GANC: variants seen among roughly 807,000 people sequenced by gnomAD.
The protein encoded by GANC is glucosidase alpha, neutral C.
GANC carries 117 observed loss-of-function variants against 124.2 expected under a neutral mutation model. The ratio of observed to expected loss-of-function variants is 0.94; its 90% confidence interval spans 0.81 to 1.10. GANC has a LOEUF of 1.10. Among genes scored for constraint, GANC ranks in the 50% least tolerant of loss-of-function variants. The pLI, the probability that GANC is intolerant of heterozygous loss-of-function variation, is 0.00. For missense variants in GANC, 1,140 were observed against 1,095.0 expected, an observed-to-expected ratio of 1.04 and a Z score of -0.58; for synonymous variants, 377 against 376.8, an observed-to-expected ratio of 1.00 and a Z score of -0.01.
intron 11 of GANC, among the ~76,000 whole-genome samples, chr15:42,325,727 T>C (rs535012236): frequency 2.2e-4 from 34 of 152,350 alleles, no homozygotes; most frequent in African/African-American, 7.7e-4. Context: ...GCAATAATTA[T>C]AAAAGAGCAT....
rs57529481 is a variant in GANC, at chr15:42,337,871, G to A, written c.1742-518G>A. Among the ~76,000 whole-genome samples, 455 of 152,264 alleles carry A rather than the reference G, an allele frequency of 3.0e-3. 5 individuals carry two copies. Among genetic ancestry groups the A allele is most frequent in the African/African-American group, 0.011 (446 of 41,550 alleles). ...GAGGCTAGGAGTTCAAGACCAGCCT[G>A]GCCAACATGGTGAAACCCCTCTCTG... On this transcript the variant is annotated intron_variant, in intron 15 of 23. Transcript: ENST00000318010.
intron 5 of GANC, among the ~76,000 whole-genome samples, chr15:42,293,989 T>A (rs1449209115): frequency 6.6e-6 from 1 of 151,506 alleles, no homozygotes; most frequent in African/African-American, 2.4e-5. Flanking sequence ...AGGTCAAGAC[T>A]GCAGTGAGCT....
intron 22 of GANC, among the ~76,000 whole-genome samples, chr15:42,350,258 G>A (rs1182608977): frequency 6.6e-6 from 1 of 151,564 alleles, no homozygotes; most frequent in Non-Finnish European, 1.5e-5. Flanking sequence ...TCGAACTCCC[G>A]ACCTCAGGTG....
intron 12 of GANC, among the ~76,000 whole-genome samples, 157 bp downstream of exon 12, chr15:42,326,581 G>A (rs1413472905): frequency 1.3e-5 from 2 of 152,090 alleles, no homozygotes; most frequent in East Asian, 3.9e-4. Context: ...GCCTTCTTTT[G>A]TATCTTTTAT....
intron 3 of GANC, chr15:42,283,902 A>T (rs2051760293): frequency 1.4e-6 from 1 of 702,534 alleles, no homozygotes; most frequent in African/African-American, 1.7e-5. Context: ...GCCAGTGCCC[A>T]GCGTGAGGTT....
At chr15:42,323,718 G>A (rs996476336) in intron 11 of GANC, among the ~76,000 whole-genome samples, 6 of 152,106 alleles carry the variant, frequency 3.9e-5, no homozygotes, top group Admixed American at 2.0e-4. Context: ...AGCCAGGCTG[G>A]TCTTGAACTC....
At chr15:42,319,448 A>G (rs2412699) in intron 10 of GANC, among the ~76,000 whole-genome samples, 138,211 of 151,946 alleles carry the variant, frequency 0.91, 64,221 homozygotes, top group Non-Finnish European at 1. Flanking sequence ...GGGCTCAAGC[A>G]ATTCTTCCGC....
At chr15:42,306,943 AC>A (rs1488783928) in intron 7 of GANC, among the ~76,000 whole-genome samples, 3 of 152,056 alleles carry the variant, frequency 2.0e-5, no homozygotes, top group African/African-American at 7.2e-5. Context: ...GTGATGAGAA[AC>A]CCAAGTTCTA....
Position 42,275,680 on chromosome 15 carries a change from T to C in GANC, c.30-668T>C, listed in dbSNP as rs186975674. On this transcript the variant is annotated intron_variant, in intron 1 of 23. Transcript: ENST00000318010. ...CAATATACATATATCTCATTCATGT[T>C]TTATCCCAGAAACAGCTCTTCTGGA... is the stretch of plus-strand genomic sequence containing the variant. Among the ~76,000 whole-genome samples the C allele has an allele frequency of 7.1e-4, 108 of 152,304 alleles. 3 individuals carry two copies. In the East Asian group the frequency reaches 0.02, roughly 28 times the overall value.
intron 10 of GANC, among the ~76,000 whole-genome samples, chr15:42,316,202 C>G (rs552897494): frequency 1.2e-4 from 18 of 152,222 alleles, no homozygotes; most frequent in Admixed American, 5.2e-4. Flanking sequence ...GGGTCCAGCC[C>G]TATGGGGCTT....
intron 18 of GANC, among the ~76,000 whole-genome samples, chr15:42,342,550 C>G (rs1465429688): frequency 6.6e-6 from 1 of 151,954 alleles, no homozygotes; most frequent in African/African-American, 2.4e-5. Flanking sequence ...CTGCTGCACT[C>G]CCACTTGGGG....
intron 3 of GANC, 56 bp downstream of exon 3, chr15:42,278,646 G>T (rs889278054): frequency 7.9e-7 from 1 of 1,265,092 alleles, no homozygotes; most frequent in African/African-American, 1.5e-5. Context: ...TATTGGGCCT[G>T]AATGAAGTAA....
Position 42,310,832 on chromosome 15 carries a change from A to G in GANC, c.1043A>G (p.Tyr348Cys), listed in dbSNP as rs776670979. Reference sequence around the variant, plus strand: ...ACACCTTCTGATGTCTTCAAACAGTACTCACACCTTACAGGTATTTGCACG... The same window carrying G: ...ACACCTTCTGATGTCTTCAAACAGTGCTCACACCTTACAGGTATTTGCACG... ...GPTPSDVFKQ[Y>C]SHLTGTQAMP... Residue 348 changes from tyrosine to cysteine, a missense_variant, in exon 10 of 24, where the codon TAC becomes TGC. Transcript: ENST00000318010. 1.9e-6 allele frequency: 3 copies of G among 1,612,964 alleles called. No individual in the cohort carries two copies. The highest frequency in any genetic ancestry group is 2.5e-6 in the Non-Finnish European group (3 of 1,178,988).
rs992985075 is a variant in GANC, at chr15:42,353,148, C to T, written c.*1009C>T. ...GGGCAGAACATTACAACATACCAGT[C>T]GTGTCATGGTGCCCAAGGCTCCACA... On this transcript the variant is annotated 3_prime_UTR_variant, in exon 24 of 24. Coordinates refer to ENST00000318010, the MANE Select transcript of GANC (RefSeq NM_198141.3). 14 of 985,680 alleles carry T rather than the reference C, an allele frequency of 1.4e-5. No individual in the cohort carries two copies. Among genetic ancestry groups the T allele is most frequent in the African/African-American group, 8.7e-5 (5 of 57,198 alleles). The allele number at this position is 985,680 out of a possible 1,614,324, so 61.1% of individuals were successfully genotyped here.
chr15:42,313,226 A>G (rs191080638), intron 10 of GANC, among the ~76,000 whole-genome samples: 2 of 110,662 alleles, frequency 1.8e-5, no homozygotes, highest in African/African-American at 6.0e-5. Context: ...AATATGTTAT[A>G]TGTGTATCAT....
chr15:42,313,285 ACT>A (rs56882163), intron 10 of GANC, among the ~76,000 whole-genome samples: 138,351 of 152,098 alleles, frequency 0.91, 64,280 homozygotes, highest in Non-Finnish European at 1. Flanking sequence ...AAACCATAAG[ACT>A]CTCAGAAGAA....
intron 3 of GANC, among the ~76,000 whole-genome samples, chr15:42,282,731 C>G (rs2051746018): frequency 6.6e-6 from 1 of 152,198 alleles, no homozygotes; most frequent in Admixed American, 6.5e-5. Context: ...CAGAACCAAG[C>G]TTCATTCAAC....
rs372391760 is a variant in GANC at position 42,297,565 on chromosome 15, G to A, written c.513-46G>A. ...AATCTTTATCATTGAACAAAATTCT[G>A]TCAGTCTTGCCATTGAGTGAAACAA... On this transcript the variant is annotated intron_variant, in intron 5 of 23. Coordinates refer to ENST00000318010, the MANE Select transcript of GANC (RefSeq NM_198141.3). 4.4e-4 allele frequency: 651 copies of A among 1,479,408 alleles called. 1 individual carries two copies. The highest frequency in any genetic ancestry group is 6.9e-4 in the Middle Eastern group (4 of 5,770). 91.6% of individuals were successfully genotyped at this position (1,479,408 alleles called of 1,614,324 possible). A position where few individuals can be genotyped will look rare whatever the true frequency, so the allele number is the denominator to read the frequency against.
Position 42,352,692 on chromosome 15 carries a change from C to G in GANC, c.*553C>G, listed in dbSNP as rs965247844. 17 of 985,888 alleles carry G rather than the reference C, an allele frequency of 1.7e-5. No individual in the cohort carries two copies. The Admixed American group carries it at 1.0e-3, about 61-fold the overall frequency. 61.1% of individuals were successfully genotyped at this position (985,888 alleles called of 1,614,324 possible). A position where few individuals can be genotyped will look rare whatever the true frequency, so the allele number is the denominator to read the frequency against. On this transcript the variant is annotated 3_prime_UTR_variant, in exon 24 of 24. Coordinates refer to ENST00000318010, the MANE Select transcript of GANC (RefSeq NM_198141.3). Reference sequence around the variant, plus strand: ...TATTCTCCCCTAGAGATCGACTTGGCAGCACGAAGGATTCTTTTCTCTTTC... The same window carrying G: ...TATTCTCCCCTAGAGATCGACTTGGGAGCACGAAGGATTCTTTTCTCTTTC...
Sources: gnomAD v4.1 joint callset for allele counts (sites outside exome capture counted in the v4.1 genomes callset) on GRCh38, gnomAD v4.1.1 for gene constraint, MANE v1.5 for transcripts, NCBI Gene and HGNC (gene_info 2026-07-23, HGNC 2026-07-21) for gene names.